The following TANC2 variants were observed in gnomAD, a reference collection of about 807,000 sequenced individuals.
TANC2 encodes tetratricopeptide repeat, ankyrin repeat and coiled-coil containing 2, also known as protein TANC2.
A neutral mutation model predicts 210.5 loss-of-function variants in TANC2; 26 were observed. The observed-to-expected ratio is 0.12, with a 90% CI of 0.09 to 0.17. The LOEUF is 0.17. TANC2 is among the 10% of genes least tolerant of loss of function. TANC2 has a pLI of 1.00. For missense variants in TANC2, 2,129 were observed against 2,608.9 expected (o/e 0.82, Z 4.01); for synonymous variants, 931 against 967.1 (o/e 0.96, Z 0.69).
chr17:63,110,171 T>C (rs1174745494), intron 4 of TANC2, among the ~76,000 whole-genome samples: 4 of 151,616 alleles, frequency 2.6e-5, no homozygotes, highest in Non-Finnish European at 5.9e-5. Context: ...CATTTTGACA[T>C]CCTTTAGTCC....
At chr17:62,979,590 C>T (rs1374904094) in intron 1 of TANC2, among the ~76,000 whole-genome samples, 7 of 152,262 alleles carry the variant, frequency 4.6e-5, no homozygotes, top group African/African-American at 1.4e-4. Flanking sequence ...AGAGCTTTCT[C>T]TTCTCTTGCT....
intron 9 of TANC2, among the ~76,000 whole-genome samples, chr17:63,274,900 A>C (rs947101354): frequency 1.3e-5 from 2 of 152,164 alleles, no homozygotes; most frequent in Non-Finnish European, 2.9e-5. Context: ...CCACCTGAAA[A>C]TGTCCACTCT....
intron 7 of TANC2, among the ~76,000 whole-genome samples, chr17:63,205,761 T>C (rs1206224310): frequency 6.6e-6 from 1 of 151,638 alleles, no homozygotes; most frequent in Non-Finnish European, 1.5e-5. Context: ...CTACTAAAGA[T>C]ATAAAAATTA....
intron 9 of TANC2, among the ~76,000 whole-genome samples, chr17:63,311,959 A>G (rs1365576451): frequency 6.6e-6 from 1 of 152,194 alleles, no homozygotes; most frequent in Non-Finnish European, 1.5e-5. Flanking sequence ...AATGACAGCT[A>G]ATAGATACAG....
chr17:63,025,244 C>T (rs1387253948), intron 2 of TANC2, among the ~76,000 whole-genome samples: 1 of 151,818 alleles, frequency 6.6e-6, no homozygotes, highest in Non-Finnish European at 1.5e-5. Flanking sequence ...TCATTTTAAC[C>T]TGCTTATATG....
intron 22 of TANC2, 110 bp downstream of exon 22, chr17:63,411,796 T>C: frequency 1.4e-6 from 2 of 1,444,936 alleles, no homozygotes; most frequent in Admixed American, 4.5e-5. Flanking sequence ...GATACAGAGC[T>C]CTCAGATCTA....
intron 9 of TANC2, among the ~76,000 whole-genome samples, chr17:63,278,548 T>C (rs558016965): frequency 7.6e-4 from 115 of 152,152 alleles, no homozygotes; most frequent in Non-Finnish European, 1.3e-3. Context: ...AATGGTGCAG[T>C]TGCTATGGAA....
Position 63,421,373 on chromosome 17 carries a change from G to C in TANC2, c.5643G>C (p.Pro1881=). Reference sequence around the variant, plus strand: ...TCTCCTCCACCTCCAACCTAACTCCGACCTTCCGGCCATCTTCTTCCATCC... The same window carrying C: ...TCTCCTCCACCTCCAACCTAACTCCCACCTTCCGGCCATCTTCTTCCATCC... Residue 1881 remains proline (P), a synonymous_variant, in exon 28 of 28, where the codon CCG becomes CCC. Transcript: ENST00000689528. The surrounding 1 kb of genome is among the most constrained non-coding windows in gnomAD (Gnocchi z 6.9). 1 of 1,613,786 alleles carries C rather than the reference G, an allele frequency of 6.2e-7. No individual in the cohort carries two copies. The highest frequency in any genetic ancestry group is 1.1e-5 in the South Asian group (1 of 91,076).
At chr17:63,068,915 A>G (rs1209813058) in intron 2 of TANC2, among the ~76,000 whole-genome samples, 1 of 152,176 alleles carries the variant, frequency 6.6e-6, no homozygotes, top group East Asian at 1.9e-4. Flanking sequence ...TATATATGTA[A>G]TAAAAGTATA....
intron 9 of TANC2, among the ~76,000 whole-genome samples, chr17:63,292,472 AG>A (rs1349872362): frequency 2.6e-5 from 4 of 152,218 alleles, no homozygotes; most frequent in African/African-American, 9.6e-5. Flanking sequence ...GAAAGTCTTT[AG>A]TGACTTTAAC....
chr17:63,044,130 T>C (rs2035291334), intron 2 of TANC2, among the ~76,000 whole-genome samples: 1 of 152,158 alleles, frequency 6.6e-6, no homozygotes, highest in Non-Finnish European at 1.5e-5. Flanking sequence ...ATTCCATTAG[T>C]TCTCCAAATA....
intron 2 of TANC2, among the ~76,000 whole-genome samples, chr17:63,053,390 C>T (rs1027534991): frequency 6.6e-6 from 1 of 152,190 alleles, no homozygotes; most frequent in Non-Finnish European, 1.5e-5. Context: ...TATTACTTGA[C>T]CTATCAATAT....
chr17:63,263,364 C>T (rs968101361), intron 8 of TANC2, among the ~76,000 whole-genome samples: 3 of 152,100 alleles, frequency 2.0e-5, no homozygotes, highest in Admixed American at 6.6e-5. Context: ...GCAGACAGGA[C>T]ACATCCTGGC....
At chr17:63,301,348 G>A in intron 9 of TANC2, among the ~76,000 whole-genome samples, 1 of 152,170 alleles carries the variant, frequency 6.6e-6, no homozygotes, top group Non-Finnish European at 1.5e-5. Context: ...GTTTGAGAAG[G>A]AATGGTACCA....
intron 5 of TANC2, among the ~76,000 whole-genome samples, chr17:63,170,744 T>C (rs1445380892): frequency 6.6e-6 from 1 of 152,204 alleles, no homozygotes; most frequent in Non-Finnish European, 1.5e-5. Flanking sequence ...ATGGTATTAT[T>C]AACCAGTTGA....
At chr17:63,023,436 G>A (rs1331690320) in intron 2 of TANC2, among the ~76,000 whole-genome samples, 1 of 152,146 alleles carries the variant, frequency 6.6e-6, no homozygotes, top group Non-Finnish European at 1.5e-5. Context: ...GAACTCCTGG[G>A]CCCAAACAAT....
intron 8 of TANC2, among the ~76,000 whole-genome samples, chr17:63,250,198 T>C (rs1401931138): frequency 3.3e-5 from 5 of 152,114 alleles, no homozygotes; most frequent in African/African-American, 1.2e-4. Flanking sequence ...TGTTATAGAT[T>C]TGTTTTTCTG....
intron 8 of TANC2, among the ~76,000 whole-genome samples, chr17:63,241,846 A>G (rs1176299307): frequency 6.6e-6 from 1 of 152,222 alleles, no homozygotes; most frequent in Non-Finnish European, 1.5e-5. Context: ...GTGAGAGGAC[A>G]TTGTTACTCA....
At chr17:63,426,968 A>G (rs569849434) in exon 28 of TANC2, 2 of 152,224 alleles carry the variant, frequency 1.3e-5, no homozygotes, top group South Asian at 2.1e-4. Flanking sequence ...TTGCATACCA[A>G]TTTACTGGGG....
Sources: allele counts gnomAD v4.1 joint callset (sites outside exome capture counted in the v4.1 genomes callset), GRCh38; gene constraint gnomAD v4.1.1; non-coding constraint Gnocchi (gnomAD v3.1); transcripts MANE v1.5; gene names NCBI Gene and HGNC (gene_info 2026-07-23, HGNC 2026-07-21).